Variants in UXT observed in about 807,000 individuals in gnomAD.
The protein encoded by UXT is ubiquitously expressed prefoldin like chaperone.
For missense variants in UXT, 111 were observed against 132.7 expected, an observed-to-expected ratio of 0.84 and a Z score of 0.80; for synonymous variants, 54 against 52.8, an observed-to-expected ratio of 1.02 and a Z score of -0.10.
intron 4 of UXT, among the ~76,000 whole-genome samples, chrX:47,652,400 TGTAAA>T (rs1470164395): frequency 8.9e-6 from 1 of 112,347 alleles, no homozygotes; most frequent in Non-Finnish European, 1.9e-5. Context: ...TTCAAATTCT[TGTAAA>T]GAAAGACATA....
intron 4 of UXT, chrX:47,653,915 C>G (rs2058075776): frequency 6.6e-6 from 1 of 150,758 alleles, no homozygotes; most frequent in Non-Finnish European, 1.1e-5. Flanking sequence ...AGAATACTTT[C>G]AAGAATATTC....
rs1420692604 is a variant in UXT at position 47,658,948 on chromosome X, G to A, written c.16C>T (p.Pro6Ser). ...GCCATGATGGGCTCCTGGGGAGTGG[G>A]GAGGGGGAAGACCATGTTGACCGAT... The change falls in exon 1 of 6, where the codon CCC (proline) becomes TCC (serine). Residue 6 changes from proline (P) to serine (S), a missense_variant. Coordinates refer to ENST00000335890, the MANE Select transcript of UXT (RefSeq NM_153477.3). 1 of 1,209,509 alleles carries A rather than the reference G, an allele frequency of 8.3e-7. No individual in the cohort carries two copies. Among genetic ancestry groups the A allele is most frequent in the Admixed American group, 2.2e-5 (1 of 45,923 alleles).
At chrX:47,654,990 C>G (rs1015960697) in intron 4 of UXT, among the ~76,000 whole-genome samples, 10 of 112,463 alleles carry the variant, frequency 8.9e-5, no homozygotes, top group African/African-American at 3.2e-4. Context: ...CTTATACAAA[C>G]TAGACTTTAG....
Position 47,657,107 on chromosome X carries a change from G to A in UXT, c.392+76C>T, listed in dbSNP as rs143465742. ...AGATGAGTCCTTAAGTATCATTCCA[G>A]GCAGCCATGGGTAAAGGGAGAAGAG... On this transcript the variant is annotated intron_variant, in intron 4 of 5. Coordinates refer to ENST00000335890, the MANE Select transcript of UXT (RefSeq NM_153477.3). 556 of 866,112 alleles carry A rather than the reference G, an allele frequency of 6.4e-4. 7 individuals carry two copies. In the African/African-American group the frequency reaches 9.8e-3, roughly 15 times the overall value. 71.4% of individuals were successfully genotyped at this position (866,112 alleles called of 1,213,427 possible). A position where few individuals can be genotyped will look rare whatever the true frequency, so the allele number is the denominator to read the frequency against.
chrX:47,656,978 T>C, intron 4 of UXT: 1 of 413,229 alleles, frequency 2.4e-6, no homozygotes, highest in South Asian at 3.9e-5. Flanking sequence ...CAATAAATGT[T>C]TGCGTGAATG....
chrX:47,655,943 A>AT (rs942585996), intron 4 of UXT, among the ~76,000 whole-genome samples: 13 of 110,340 alleles, frequency 1.2e-4, no homozygotes, highest in South Asian at 7.5e-4. Context: ...ACATTATGTG[A>AT]TTTTTTTTTG....
Position 47,657,249 on chromosome X carries a change from A to G in UXT, c.326T>C (p.Phe109Ser). ...TTCTGCCAGTGTCAACTCCAGGAAAAAACCATATCCCAGGGCCACATAGAT... is the reference window on the plus strand; with the variant it reads ...TTCTGCCAGTGTCAACTCCAGGAAAGAACCATATCCCAGGGCCACATAGAT... Residue 109 changes from phenylalanine to serine, a missense_variant, in exon 4 of 6, where the codon TTT (phenylalanine) becomes TCT (serine). Transcript: ENST00000335890. 1 of 1,208,384 alleles carries G rather than the reference A, an allele frequency of 8.3e-7. No individual in the cohort carries two copies. Among genetic ancestry groups the G allele is most frequent in the Non-Finnish European group, 1.1e-6 (1 of 893,783 alleles).
chrX:47,657,914 A>C, intron 1 of UXT, 51 bp from the exon 3 acceptor site: 1 of 966,529 alleles, frequency 1.0e-6, no homozygotes, highest in South Asian at 3.0e-5. Flanking sequence ...CATTCCTCCT[A>C]GTATACCTCA....
intron 4 of UXT, among the ~76,000 whole-genome samples, chrX:47,653,626 T>A (rs756891198): frequency 1.6e-4 from 18 of 112,440 alleles, no homozygotes; most frequent in Non-Finnish European, 3.2e-4. Flanking sequence ...CTCCATGATA[T>A]GCTTTCTCCA....
intron 4 of UXT, among the ~76,000 whole-genome samples, chrX:47,654,474 G>A (rs1419220168): frequency 9.0e-6 from 1 of 110,879 alleles, no homozygotes; most frequent in Admixed American, 9.6e-5. Context: ...CCAAAGTGCT[G>A]GGATTACAGG....
At chrX:47,652,798 A>AGG (rs2058072134) in intron 4 of UXT, among the ~76,000 whole-genome samples, 1 of 111,648 alleles carries the variant, frequency 9.0e-6, no homozygotes, top group Admixed American at 9.5e-5. Flanking sequence ...CATGGTAAGG[A>AGG]CCCTGGCTTT....
intron 4 of UXT, among the ~76,000 whole-genome samples, chrX:47,656,586 G>A (rs200095374): frequency 9.0e-6 from 1 of 111,502 alleles, no homozygotes; most frequent in East Asian, 2.8e-4. Flanking sequence ...CCTTGTTGAG[G>A]AAGTGACATT....
Position 47,651,904 on chromosome X carries a change from G to A in UXT, c.457-9C>T. On this transcript the variant is annotated splice_polypyrimidine_tract_variant and intron_variant, in intron 5 of 5. Coordinates refer to ENST00000335890, the MANE Select transcript of UXT (RefSeq NM_153477.3). Reference sequence around the variant, plus strand: ...TGTAGTTCTCTAAGCCCCTGAAAAAGAGGACAGAAGAGATTGAACAAAGAC... The same window carrying A: ...TGTAGTTCTCTAAGCCCCTGAAAAAAAGGACAGAAGAGATTGAACAAAGAC... 1 of 1,209,692 alleles carries A rather than the reference G, an allele frequency of 8.3e-7. No individual in the cohort carries two copies. Among genetic ancestry groups the A allele is most frequent in the Non-Finnish European group, 1.1e-6 (1 of 894,410 alleles).
chrX:47,657,911 C>A, intron 1 of UXT, 48 bp from the exon 3 acceptor site: 6 of 975,297 alleles, frequency 6.2e-6, no homozygotes, highest in Non-Finnish European at 8.2e-6. Context: ...CCCCATTCCT[C>A]CTAGTATACC....
intron 4 of UXT, 134 bp from the exon 6 acceptor site, chrX:47,652,278 C>T (rs2058069984): frequency 3.2e-6 from 2 of 619,432 alleles, no homozygotes; most frequent in South Asian, 3.0e-5. Context: ...GCCAAGCCAC[C>T]ATCTGGTTTT....
chrX:47,652,675 T>C (rs905231757), intron 4 of UXT, among the ~76,000 whole-genome samples: 3 of 111,442 alleles, frequency 2.7e-5, no homozygotes, highest in Non-Finnish European at 3.8e-5. Context: ...CCTGGCATGT[T>C]TGAGGTGCAG....
At chrX:47,657,710 G>A in intron 2 of UXT, 71 bp from the exon 4 acceptor site, 1 of 1,183,521 alleles carries the variant, frequency 8.4e-7, no homozygotes, top group Non-Finnish European at 1.1e-6. Context: ...GTTGGGTCTG[G>A]AGTCTCTCTT....
chrX:47,654,013 A>C (rs1009564748), intron 4 of UXT: 4 of 662,393 alleles, frequency 6.0e-6, no homozygotes, highest in Non-Finnish European at 5.4e-6. Context: ...AAAATTAGTT[A>C]ATGGTGTAAG....
At chrX:47,658,523 G>A (rs961612382) in intron 1 of UXT, among the ~76,000 whole-genome samples, 3 of 112,081 alleles carry the variant, frequency 2.7e-5, no homozygotes, top group African/African-American at 9.8e-5. Context: ...AGAAAGGCGA[G>A]GTAGGACGTA....
Sources: allele counts gnomAD v4.1 joint callset (sites outside exome capture counted in the v4.1 genomes callset), GRCh38; gene constraint gnomAD v4.1.1; transcripts MANE v1.5; gene names NCBI Gene and HGNC (gene_info 2026-07-23, HGNC 2026-07-21).